Variants in WDR17 observed in about 807,000 individuals in gnomAD.
WDR17 encodes WD repeat domain 17, also known as WD repeat-containing protein 17.
WDR17 carries 143 observed loss-of-function variants against 161.7 expected under a neutral mutation model. The ratio of observed to expected loss-of-function variants is 0.88; its 90% CI spans 0.77 to 1.02. The LOEUF is 1.02. WDR17 is among the 50% of genes least tolerant of loss of function. WDR17 has a pLI of 0.00. For missense variants in WDR17, 1,469 were observed against 1,520.9 expected (o/e 0.97, Z 0.57); for synonymous variants, 517 against 515.6 (o/e 1.00, Z -0.04).
At chr4:176,100,834 A>G (rs1737706732) in intron 1 of WDR17, among the ~76,000 whole-genome samples, 1 of 152,102 alleles carries the variant, frequency 6.6e-6, no homozygotes, top group African/African-American at 2.4e-5. Context: ...CTATTTATTG[A>G]AAAGGGTATC....
chr4:176,133,159 A>G (rs1579141781), intron 7 of WDR17, among the ~76,000 whole-genome samples: 2 of 143,428 alleles, frequency 1.4e-5, no homozygotes, highest in South Asian at 4.4e-4. Flanking sequence ...CCATTCGAAG[A>G]AAAAAAAAAC....
chr4:176,173,594 G>T (rs1207082170), intron 25 of WDR17, among the ~76,000 whole-genome samples: 2 of 152,106 alleles, frequency 1.3e-5, no homozygotes, highest in Non-Finnish European at 2.9e-5. Flanking sequence ...TCAGCTCACT[G>T]CAAGCTCCGC....
At chr4:176,126,718 T>TGAATTGTCATTGCCATGATCCC in intron 5 of WDR17, among the ~76,000 whole-genome samples, 1 of 152,302 alleles carries the variant, frequency 6.6e-6, no homozygotes, top group South Asian at 2.1e-4. Flanking sequence ...AATCTCATCT[T>TGAATTGTCATTGCCATGATCCC]GAATTGTCAT....
At chr4:176,111,767 T>C in intron 2 of WDR17, 64 bp downstream of exon 2, 1 of 1,372,026 alleles carries the variant, frequency 7.3e-7, no homozygotes, top group Non-Finnish European at 9.6e-7. Context: ...AATTAATACA[T>C]ATTTTAAGTC....
chr4:176,096,394 C>A, intron 1 of WDR17: 1 of 639,810 alleles, frequency 1.6e-6, no homozygotes, highest in Non-Finnish European at 2.7e-6. Context: ...GCCTTTTGTA[C>A]TGAACATCAT....
intron 21 of WDR17, 54 bp from the exon 22 acceptor site, chr4:176,163,100 A>G (rs1399874938): frequency 3.7e-6 from 6 of 1,609,258 alleles, no homozygotes; most frequent in Non-Finnish European, 4.3e-6. Context: ...GAGGGGAATG[A>G]TGATCCTACC....
intron 1 of WDR17, among the ~76,000 whole-genome samples, chr4:176,071,480 G>T (rs1733239863): frequency 6.6e-6 from 1 of 151,998 alleles, no homozygotes; most frequent in Non-Finnish European, 1.5e-5. Context: ...AGGCCATTAT[G>T]CCCAGCTAAC....
Position 176,172,452 on chromosome 4 carries a change from A to G in WDR17, c.3180A>G (p.Val1060=). ...CAGATGACAATATATTTGAAACTGT[A>G]AAATATTACTTGTTAAGTCAAGAAC... ...ARADDNIFET[V]KYYLLSQEPE... Residue 1060 remains valine, a synonymous_variant, in exon 24 of 29, where the codon GTA becomes GTG. Transcript: ENST00000508596. The G allele has an allele frequency of 6.2e-7, 1 of 1,611,582 alleles. No homozygotes were observed. Among genetic ancestry groups the G allele is most frequent in the Non-Finnish European group, 8.5e-7 (1 of 1,179,156 alleles).
At chr4:176,139,213 T>A (rs1744869493) in intron 9 of WDR17, among the ~76,000 whole-genome samples, 1 of 151,940 alleles carries the variant, frequency 6.6e-6, no homozygotes, top group Non-Finnish European at 1.5e-5. Context: ...CTGTTTTTAA[T>A]TAAAATTTAG....
In WDR17 at chr4:176,097,756, CA is replaced by C. The variant is rs1561093135; in HGVS notation, c.-6-13818del. On this transcript the variant is annotated intron_variant, in intron 1 of 28. Coordinates refer to ENST00000508596, the MANE Select transcript of WDR17 (RefSeq NM_181265.4). Reference sequence around the variant, plus strand: ...ACACACACACATACACACACACACACACACACACACACACAATGCCAATATC... The same window carrying C: ...ACACACACACATACACACACACACACCACACACACACACAATGCCAATATC... 9.6e-4 allele frequency among the ~76,000 whole-genome samples: 146 copies of C among 151,392 alleles called. 2 individuals carry two copies. The East Asian group carries it at 0.022, about 23-fold the overall frequency.
rs770780480 is a variant in WDR17 at position 176,168,829 on chromosome 4, G to T, written c.3102+46G>T. On this transcript the variant is annotated intron_variant, in intron 23 of 28. Coordinates refer to ENST00000508596, the MANE Select transcript of WDR17 (RefSeq NM_181265.4). ...ATTCTGGTTTGGAATGCAGTGCTAT[G>T]ATTTAATTAATTGTAGGTTCAAGCA... The T allele has an allele frequency of 8.3e-6, 13 of 1,575,752 alleles. No individual in the cohort carries two copies. In the East Asian group the frequency reaches 2.7e-4, roughly 33 times the overall value.
Position 176,162,175 on chromosome 4 carries a change from G to A in WDR17, c.2850+1G>A, listed in dbSNP as rs772109819. 1.2e-6 allele frequency: 2 copies of A among 1,610,402 alleles called. No homozygotes were observed. The highest frequency in any genetic ancestry group is 1.7e-6 in the Non-Finnish European group (2 of 1,178,426). ...CCATCTTGCCATAGATAATATTGAGGTACGACATTTAAAACTGGTTTATGT... is the reference window on the plus strand; with the variant it reads ...CCATCTTGCCATAGATAATATTGAGATACGACATTTAAAACTGGTTTATGT... On this transcript the variant is annotated splice_donor_variant, in intron 21 of 28. Transcript: ENST00000508596. LOFTEE classifies it high-confidence loss of function.
rs1390272544 is a variant in WDR17 at position 176,177,542 on chromosome 4, G to T, written c.3620G>T (p.Arg1207Ile). The change falls in exon 28 of 29, where the codon AGA (arginine) becomes ATA (isoleucine). Residue 1207 changes from arginine (R) to isoleucine (I), a missense_variant. Coordinates refer to ENST00000508596, the MANE Select transcript of WDR17 (RefSeq NM_181265.4). Reference sequence around the variant, plus strand: ...ATGATTTATGCAACTTTATTAAAGAGACTAAAAGAAGAGTCACTGAAAGGA... The same window carrying T: ...ATGATTTATGCAACTTTATTAAAGATACTAAAAGAAGAGTCACTGAAAGGA... ...QRMIYATLLKRLKEESLKGII... is the reference protein window; with the variant it reads ...QRMIYATLLKILKEESLKGII... 3 of 1,600,858 alleles carry T rather than the reference G, an allele frequency of 1.9e-6. No homozygotes were observed. Among genetic ancestry groups the T allele is most frequent in the Non-Finnish European group, 2.5e-6 (3 of 1,176,720 alleles).
intron 1 of WDR17, among the ~76,000 whole-genome samples, chr4:176,106,649 T>G (rs1738770888): frequency 6.6e-6 from 1 of 152,164 alleles, no homozygotes; most frequent in Non-Finnish European, 1.5e-5. Context: ...ATTAAAAATT[T>G]TGTGCATCAA....
At chr4:176,170,964 A>C (rs1275010419) in intron 23 of WDR17, among the ~76,000 whole-genome samples, 1 of 152,202 alleles carries the variant, frequency 6.6e-6, no homozygotes, top group Admixed American at 6.5e-5. Flanking sequence ...GCCTTCCTTA[A>C]ACGTGCTCAG....
chr4:176,181,451 A>C lies in WDR17; in HGVS notation c.*1872A>C, dbSNP rs151090716. ...TACTGCACTCCAGCCTGGGCGACAGAGCAAGACCACCATCTCCAAAAATTA... is the reference window on the plus strand; with the variant it reads ...TACTGCACTCCAGCCTGGGCGACAGCGCAAGACCACCATCTCCAAAAATTA... On this transcript the variant is annotated 3_prime_UTR_variant, in exon 29 of 29. Coordinates refer to ENST00000508596, the MANE Select transcript of WDR17 (RefSeq NM_181265.4). 469 of 211,924 alleles carry C rather than the reference A, an allele frequency of 2.2e-3. 3 individuals are homozygous for C. Among genetic ancestry groups the C allele is most frequent in the African/African-American group, 0.01 (444 of 42,310 alleles). The allele number at this position is 211,924 out of a possible 1,614,324, so 13.1% of individuals were successfully genotyped here.
At chr4:176,155,735 A>ATATATATATATATG (rs1457008509) in intron 17 of WDR17, among the ~76,000 whole-genome samples, 35 of 146,660 alleles carry the variant, frequency 2.4e-4, no homozygotes, top group Admixed American at 4.1e-4. Flanking sequence ...ATATATATAT[A>ATATATATATATATG]TGTTTTGGTA....
At chr4:176,154,093 T>C (rs1266589221) in intron 17 of WDR17, among the ~76,000 whole-genome samples, 1 of 152,236 alleles carries the variant, frequency 6.6e-6, no homozygotes, top group East Asian at 1.9e-4. Flanking sequence ...CCTATTTCAA[T>C]CAGGTATCTG....
chr4:176,130,207 G>A (rs1371926800), intron 6 of WDR17, among the ~76,000 whole-genome samples: 1 of 152,096 alleles, frequency 6.6e-6, no homozygotes, highest in Admixed American at 6.6e-5. Context: ...AAATAGATTG[G>A]TGCATAAAAG....
Sources: gnomAD v4.1 joint callset for allele counts (sites outside exome capture counted in the v4.1 genomes callset) on GRCh38, gnomAD v4.1.1 for gene constraint, MANE v1.5 for transcripts, NCBI Gene and HGNC (gene_info 2026-07-23, HGNC 2026-07-21) for gene names.